Variants in LMBRD1 observed in about 807,000 individuals in gnomAD.
LMBRD1 encodes LMBR1 domain containing 1, also known as lysosomal cobalamin transport escort protein LMBD1.
LMBRD1 carries 64 observed loss-of-function variants against 74.8 expected under a neutral mutation model. The ratio of observed to expected loss-of-function variants is 0.86; its 90% CI spans 0.70 to 1.05. The LOEUF (loss-of-function observed/expected upper bound fraction) is 1.05. Ranked by LOEUF, LMBRD1 falls within the 50% of genes least tolerant of loss-of-function variation. LMBRD1 has a pLI of 0.00. For synonymous variants in LMBRD1, 204 were observed against 216.3 expected, an observed-to-expected ratio of 0.94 and a Z score of 0.50; for missense variants, 652 against 645.9, an observed-to-expected ratio of 1.01 and a Z score of -0.10.
At chr6:69,700,324 G>A (rs1562089525) in intron 12 of LMBRD1, among the ~76,000 whole-genome samples, 2 of 151,752 alleles carry the variant, frequency 1.3e-5, no homozygotes, top group African/African-American at 2.4e-5. Flanking sequence ...TACTAATAGG[G>A]AGGGCTATCT....
chr6:69,795,722 A>G (rs999156381), intron 1 of LMBRD1, among the ~76,000 whole-genome samples: 3 of 152,346 alleles, frequency 2.0e-5, no homozygotes, highest in Admixed American at 1.3e-4. Flanking sequence ...CAGTGTTTTT[A>G]TCTGTGACAG....
chr6:69,700,923 AG>A (rs1766114234), intron 11 of LMBRD1, 54 bp from the exon 12 acceptor site: 6 of 1,097,390 alleles, frequency 5.5e-6, no homozygotes, highest in Admixed American at 3.1e-5. Context: ...GCACTCTAAC[AG>A]TCATATAAAA....
At chr6:69,682,656 T>C (rs1472155521) in intron 14 of LMBRD1, among the ~76,000 whole-genome samples, 2 of 152,008 alleles carry the variant, frequency 1.3e-5, no homozygotes, top group African/African-American at 4.8e-5. Context: ...GTTGTAATTG[T>C]CCAAGGATAG....
intron 3 of LMBRD1, among the ~76,000 whole-genome samples, chr6:69,777,691 A>AG (rs1562123017): frequency 1.3e-5 from 2 of 151,930 alleles, no homozygotes; most frequent in African/African-American, 4.8e-5. Context: ...CAAAAAAAAA[A>AG]AGGGGGAGAG....
chr6:69,705,070 C>A (rs566237079), intron 9 of LMBRD1, among the ~76,000 whole-genome samples: 50 of 151,980 alleles, frequency 3.3e-4, no homozygotes, highest in Admixed American at 9.2e-4. Flanking sequence ...CATAACATTC[C>A]ATACATACTT....
At chr6:69,758,441 T>G (rs2149881078) in intron 3 of LMBRD1, among the ~76,000 whole-genome samples, 1 of 152,306 alleles carries the variant, frequency 6.6e-6, no homozygotes, top group South Asian at 2.1e-4. Context: ...CAGCTGGCAC[T>G]CCCTTTCTTG....
chr6:69,733,420 C>A (rs1338355182), intron 7 of LMBRD1, among the ~76,000 whole-genome samples: 1 of 152,166 alleles, frequency 6.6e-6, no homozygotes, highest in African/African-American at 2.4e-5. Flanking sequence ...TACCTATCTA[C>A]AATAAAACCA....
intron 3 of LMBRD1, among the ~76,000 whole-genome samples, chr6:69,770,919 T>C (rs558266085): frequency 3.3e-5 from 5 of 152,234 alleles, no homozygotes; most frequent in Admixed American, 6.5e-5. Flanking sequence ...CTAAAGGAGT[T>C]AAATTAGTCA....
At chr6:69,706,769 G>A (rs927617090) in intron 9 of LMBRD1, among the ~76,000 whole-genome samples, 3 of 152,054 alleles carry the variant, frequency 2.0e-5, no homozygotes, top group African/African-American at 2.4e-5. Context: ...GTGCTAACTG[G>A]TACATAGATA....
Position 69,737,926 on chromosome 6 carries a change from T to C in LMBRD1, c.636+16A>G, listed in dbSNP as rs1322147061. 6.3e-7 allele frequency: 1 copy of C among 1,578,594 alleles called. No homozygotes were observed. The highest frequency in any genetic ancestry group is 8.7e-7 in the Non-Finnish European group (1 of 1,149,766). ...TTATAAGGCAATTTTAACTCAATTATCCCCATTTCACTTACTGTGTAAGTT... is the reference window on the plus strand; with the variant it reads ...TTATAAGGCAATTTTAACTCAATTACCCCCATTTCACTTACTGTGTAAGTT... On this transcript the variant is annotated intron_variant, in intron 7 of 15. Coordinates refer to ENST00000649934, the MANE Select transcript of LMBRD1 (RefSeq NM_018368.4).
At chr6:69,720,879 C>A (rs1432521063) in intron 7 of LMBRD1, among the ~76,000 whole-genome samples, 2 of 152,182 alleles carry the variant, frequency 1.3e-5, no homozygotes, top group Non-Finnish European at 2.9e-5. Flanking sequence ...CTCCGCCATC[C>A]CCCAGCGGCA....
chr6:69,788,511 A>T (rs1766008215), intron 2 of LMBRD1, among the ~76,000 whole-genome samples: 1 of 152,192 alleles, frequency 6.6e-6, no homozygotes, highest in South Asian at 2.1e-4. Flanking sequence ...GAGCCAAAAG[A>T]AATTAAACAT....
chr6:69,744,992 A>G (rs190557637), intron 5 of LMBRD1, among the ~76,000 whole-genome samples: 10 of 150,852 alleles, frequency 6.6e-5, no homozygotes, highest in Non-Finnish European at 1.2e-4. Flanking sequence ...ACAGGCGCGC[A>G]CCACTATGCC....
At chr6:69,691,611 T>C (rs1456419638) in intron 14 of LMBRD1, among the ~76,000 whole-genome samples, 1 of 152,084 alleles carries the variant, frequency 6.6e-6, no homozygotes, top group South Asian at 2.1e-4. Context: ...GCACGTTGGC[T>C]CAAGCCTGTA....
At chr6:69,765,369 T>C in intron 3 of LMBRD1, among the ~76,000 whole-genome samples, 1 of 152,206 alleles carries the variant, frequency 6.6e-6, no homozygotes, top group Non-Finnish European at 1.5e-5. Flanking sequence ...ATTTTTTTAA[T>C]TGAATGGAAT....
intron 1 of LMBRD1, among the ~76,000 whole-genome samples, chr6:69,795,784 CT>C: frequency 6.6e-6 from 1 of 152,290 alleles, no homozygotes; most frequent in African/African-American, 2.4e-5. Flanking sequence ...CCATTCTTTT[CT>C]TTTATTTTCT....
chr6:69,689,816 T>C lies in LMBRD1; in HGVS notation c.1417+7747A>G, dbSNP rs983141476. The stretch of plus-strand genomic sequence containing the variant: ...AAAATGTTTTAGACTTTATTATGAA[T>C]TGTTAAAATTAAATCTGGTACTCTG... On this transcript the variant is annotated intron_variant, in intron 14 of 15. Transcript: ENST00000649934. Among the ~76,000 whole-genome samples the C allele has an allele frequency of 3.3e-5, 5 of 152,212 alleles. No individual in the cohort carries two copies. The East Asian group carries it at 7.7e-4, about 23-fold the overall frequency.
intron 9 of LMBRD1, 136 bp from the exon 10 acceptor site, chr6:69,702,089 G>T (rs1482329275): frequency 6.3e-6 from 4 of 637,830 alleles, no homozygotes; most frequent in Non-Finnish European, 8.5e-6. Flanking sequence ...TTTTAACTTA[G>T]TATACAATTC....
intron 11 of LMBRD1, 68 bp from the exon 12 acceptor site, chr6:69,700,937 A>T (rs1473451747): frequency 9.7e-7 from 1 of 1,027,874 alleles, no homozygotes; most frequent in African/African-American, 1.6e-5. Flanking sequence ...ATATAAAATA[A>T]GCTAAAAACT....
Sources: gnomAD v4.1 joint callset for allele counts (sites outside exome capture counted in the v4.1 genomes callset) on GRCh38, gnomAD v4.1.1 for gene constraint, MANE v1.5 for transcripts, NCBI Gene and HGNC (gene_info 2026-07-23, HGNC 2026-07-21) for gene names.